DGKB: variants seen among roughly 807,000 people sequenced by gnomAD.
The protein encoded by DGKB is diacylglycerol kinase beta.
DGKB carries 67 observed loss-of-function variants against 114.3 expected under a neutral mutation model. The ratio of observed to expected loss-of-function variants is 0.59; its 90% CI spans 0.48 to 0.72. The LOEUF (loss-of-function observed/expected upper bound fraction) is 0.72. Ranked by LOEUF, DGKB falls within the 30% of genes least tolerant of loss-of-function variation. DGKB has a pLI of 0.00. For missense variants in DGKB, 907 were observed against 975.2 expected (o/e 0.93, Z 0.93); for synonymous variants, 398 against 323.1 (o/e 1.23, Z -2.49).
rs574088503 is a variant in DGKB, at chr7:14,660,502, T to C, written c.1134+12427A>G. Among the ~76,000 whole-genome samples the C allele has an allele frequency of 1.9e-3, 283 of 152,250 alleles. 2 individuals carry two copies. The highest frequency in any genetic ancestry group is 6.5e-3 in the African/African-American group (269 of 41,580). ...TTTCTTCTAGATTTTCTAGTTTATT[T>C]GCGTAGAGGTGTTTGCAGTATTCTC... On this transcript the variant is annotated intron_variant, in intron 13 of 25. Coordinates refer to ENST00000402815, the MANE Select transcript of DGKB (RefSeq NM_001350709.2).
In DGKB at chr7:14,517,198, C is replaced by T. The variant is rs879718522; in HGVS notation, c.1771-38973G>A. On this transcript the variant is annotated intron_variant, in intron 20 of 25. Coordinates refer to ENST00000402815, the MANE Select transcript of DGKB (RefSeq NM_001350709.2). ...CTTCAACAAAGCTGACAAAAACAAG[C>T]GATAGGGAAAGAATTCCCCATTCAA... Among the ~76,000 whole-genome samples the T allele has an allele frequency of 9.2e-5, 14 of 151,948 alleles. No individual in the cohort carries two copies. In the East Asian group the frequency reaches 1.7e-3, roughly 19 times the overall value.
At chr7:14,884,692 G>A (rs1854754943) in intron 1 of DGKB, among the ~76,000 whole-genome samples, 1 of 151,832 alleles carries the variant, frequency 6.6e-6, no homozygotes, top group African/African-American at 2.4e-5. Flanking sequence ...ACCAAGTATA[G>A]CCATGAATAA....
chr7:14,910,523 T>C lies in DGKB; in HGVS notation c.-188+64173A>G, dbSNP rs997991995. ...TTCATTTTAGTGAGAAAAAATACTT[T>C]TATGTTAGGATTTAATCTAAGATAT... On this transcript the variant is annotated intron_variant, in intron 1 of 4. Transcript: ENST00000437998. Among the ~76,000 whole-genome samples the C allele has an allele frequency of 9.2e-5, 14 of 152,144 alleles. 1 individual carries two copies. The highest frequency in any genetic ancestry group is 8.8e-5 in the Non-Finnish European group (6 of 68,018).
chr7:14,807,913 G>A (rs955746226), intron 2 of DGKB, among the ~76,000 whole-genome samples: 2 of 151,872 alleles, frequency 1.3e-5, no homozygotes, highest in African/African-American at 2.4e-5. Flanking sequence ...ATATTTTGGT[G>A]TTATTTTAAA....
At chr7:14,423,942 A>G (rs1382550541) in intron 21 of DGKB, among the ~76,000 whole-genome samples, 2 of 152,270 alleles carry the variant, frequency 1.3e-5, no homozygotes, top group East Asian at 3.9e-4. Flanking sequence ...TAAATCAACC[A>G]GTAAAACTCA....
intron 15 of DGKB, among the ~76,000 whole-genome samples, chr7:14,618,446 T>G (rs1806973121): frequency 6.6e-6 from 1 of 151,626 alleles, no homozygotes; most frequent in Non-Finnish European, 1.5e-5. Flanking sequence ...CAAAGAATAT[T>G]TAGGAACAAG....
At chr7:14,679,596 G>A (rs1191338913) in intron 12 of DGKB, among the ~76,000 whole-genome samples, 2 of 151,964 alleles carry the variant, frequency 1.3e-5, no homozygotes, top group African/African-American at 4.8e-5. Flanking sequence ...CACGGAACCC[G>A]AATTTCAGAT....
intron 13 of DGKB, among the ~76,000 whole-genome samples, chr7:14,652,698 T>G (rs916363475): frequency 2.9e-4 from 43 of 149,774 alleles, no homozygotes; most frequent in African/African-American, 1.1e-3. Flanking sequence ...GAAACTACCA[T>G]CAGAGTGAAC....
intron 20 of DGKB, among the ~76,000 whole-genome samples, chr7:14,567,535 T>TATAATTATATATAATTATATATTGG (rs1250492099): frequency 3.0e-5 from 3 of 100,528 alleles, no homozygotes; most frequent in East Asian, 2.4e-4. Flanking sequence ...TATAATTATA[T>TATAATTATATATAATTATATATTGG]ATAATTATAT....
At chr7:14,247,504 C>T (rs1234514235) in intron 23 of DGKB, among the ~76,000 whole-genome samples, 1 of 152,080 alleles carries the variant, frequency 6.6e-6, no homozygotes, top group Admixed American at 6.6e-5. Context: ...CATATCTTCT[C>T]CAACATTTAT....
chr7:14,642,853 C>T (rs1325703824), intron 13 of DGKB, among the ~76,000 whole-genome samples: 4 of 152,132 alleles, frequency 2.6e-5, no homozygotes, highest in Non-Finnish European at 5.9e-5. Flanking sequence ...ATTTCCCATC[C>T]TCACTTTAGA....
chr7:14,505,952 G>A (rs1786980279), intron 20 of DGKB, among the ~76,000 whole-genome samples: 1 of 151,996 alleles, frequency 6.6e-6, no homozygotes, highest in Admixed American at 6.6e-5. Flanking sequence ...TTCATACCCA[G>A]ATTTTTTTTT....
At chr7:14,314,166 A>G (rs1046307984) in intron 23 of DGKB, among the ~76,000 whole-genome samples, 13 of 152,098 alleles carry the variant, frequency 8.5e-5, no homozygotes, top group African/African-American at 3.1e-4. Flanking sequence ...AGTAGATAAA[A>G]CCACAAAGAT....
At chr7:14,597,545 T>C (rs1802798350) in intron 17 of DGKB, among the ~76,000 whole-genome samples, 1 of 152,186 alleles carries the variant, frequency 6.6e-6, no homozygotes, top group African/African-American at 2.4e-5. Flanking sequence ...AAGAACACTG[T>C]TACCCAATAA....
At chr7:14,161,613 C>A (rs1025151548) in intron 25 of DGKB, among the ~76,000 whole-genome samples, 1 of 150,318 alleles carries the variant, frequency 6.7e-6, no homozygotes, top group African/African-American at 2.5e-5. Context: ...CAGAATTGAA[C>A]AATGAGAATA....
chr7:14,443,976 T>C (rs1563195807), intron 21 of DGKB, among the ~76,000 whole-genome samples: 1 of 151,960 alleles, frequency 6.6e-6, no homozygotes, highest in Non-Finnish European at 1.5e-5. Context: ...CTTTCCCTCA[T>C]GTTTTACTCT....
intron 21 of DGKB, among the ~76,000 whole-genome samples, chr7:14,471,188 C>T (rs982762688): frequency 1.7e-5 from 1 of 59,418 alleles, no homozygotes; most frequent in Middle Eastern, 0.015. Context: ...TGTATATATA[C>T]ATATATGTAT....
At chr7:14,915,282 A>G (rs1279719709) in intron 1 of DGKB, among the ~76,000 whole-genome samples, 2 of 152,128 alleles carry the variant, frequency 1.3e-5, no homozygotes, top group African/African-American at 2.4e-5. Flanking sequence ...GGAGGCTGGA[A>G]TGGGAGAATC....
chr7:14,877,728 GTTTA>G (rs1381886799), intron 1 of DGKB, among the ~76,000 whole-genome samples: 2 of 152,124 alleles, frequency 1.3e-5, no homozygotes, highest in Admixed American at 1.3e-4. Flanking sequence ...CTTGAGGAAT[GTTTA>G]TTTACCAAGT....
Sources: gnomAD v4.1 joint callset for allele counts (sites outside exome capture counted in the v4.1 genomes callset) on GRCh38, gnomAD v4.1.1 for gene constraint, MANE v1.5 for transcripts, NCBI Gene and HGNC (gene_info 2026-07-23, HGNC 2026-07-21) for gene names.